RASIP1: variants seen among roughly 807,000 people sequenced by gnomAD.
RASIP1 encodes ras-interacting protein 1.
A neutral mutation model predicts 85.3 loss-of-function variants in RASIP1; 20 were observed. The observed-to-expected ratio is 0.23, with a 90% confidence interval of 0.17 to 0.34. RASIP1 has a LOEUF of 0.34. Ranked by LOEUF, RASIP1 falls within the 10% of genes least tolerant of loss-of-function variation. RASIP1 has a pLI of 1.00. For synonymous variants in RASIP1, 617 were observed against 647.1 expected, an observed-to-expected ratio of 0.95 and a Z score of 0.71; for missense variants, 1,170 against 1,390.9, an observed-to-expected ratio of 0.84 and a Z score of 2.53.
At chr19:48,736,422 A>T (rs1403509413) in intron 3 of RASIP1, among the ~76,000 whole-genome samples, 2 of 152,042 alleles carry the variant, frequency 1.3e-5, no homozygotes, top group Non-Finnish European at 2.9e-5. Context: ...AACAAAACAA[A>T]ACAAGTATTT....
At chr19:48,737,327 C>G (rs2033591186) in intron 3 of RASIP1, 1 of 348,422 alleles carries the variant, frequency 2.9e-6, no homozygotes, top group Non-Finnish European at 4.0e-6. Flanking sequence ...ATTCTATCTC[C>G]CAAAAGGAAG....
chr19:48,738,376 C>CT lies in RASIP1; in HGVS notation c.823+583dup, dbSNP rs2033609029. On this transcript the variant is annotated intron_variant, in intron 3 of 11. Coordinates refer to ENST00000222145, the MANE Select transcript of RASIP1 (RefSeq NM_017805.3). This position sits in a 1 kb window ranked among gnomAD's most constrained non-coding sequence, Gnocchi z 4.0. Reference sequence around the variant, plus strand: ...GGAGAGTACAGTTTAAGCCATTAAGCTGCAGGATGTACACCTAACAGACCT... The same window carrying CT: ...GGAGAGTACAGTTTAAGCCATTAAGCTTGCAGGATGTACACCTAACAGACCT... 1 of 152,268 alleles carries CT rather than the reference C, an allele frequency of 6.6e-6. No individual in the cohort carries two copies. Among genetic ancestry groups the CT allele is most frequent in the Admixed American group, 6.5e-5 (1 of 15,286 alleles). The allele number at this position is 152,268 out of a possible 1,614,324, so 9.4% of individuals were successfully genotyped here.
At chr19:48,727,922 A>G (rs577405520) in intron 5 of RASIP1, among the ~76,000 whole-genome samples, 1 of 152,170 alleles carries the variant, frequency 6.6e-6, no homozygotes, top group East Asian at 1.9e-4. Context: ...TCCCGACTTC[A>G]GGTGATCTGC....
intron 5 of RASIP1, 35 bp from the exon 6 acceptor site, chr19:48,727,465 G>T (rs764019517): frequency 6.2e-7 from 1 of 1,605,350 alleles, no homozygotes; most frequent in Non-Finnish European, 8.5e-7. Context: ...AAGGTGAGGG[G>T]GATCCACTGA....
At chr19:48,737,990 G>T in intron 3 of RASIP1, 4 of 973,500 alleles carry the variant, frequency 4.1e-6, no homozygotes, top group Non-Finnish European at 4.9e-6. Flanking sequence ...TGTCCCCCAG[G>T]CTGGAGTTCA....
rs2033312904 is a variant in RASIP1 at position 48,724,793 on chromosome 19, A to C, written c.2295T>G (p.Pro765=). 6.2e-7 allele frequency: 1 copy of C among 1,614,122 alleles called. No homozygotes were observed. Among genetic ancestry groups the C allele is most frequent in the Non-Finnish European group, 8.5e-7 (1 of 1,180,054 alleles). The change falls in exon 9 of 12, where the codon CCT becomes CCG. Residue 765 remains proline, a synonymous_variant. Coordinates refer to ENST00000222145, the MANE Select transcript of RASIP1 (RefSeq NM_017805.3). This position sits in a 1 kb window ranked among gnomAD's most constrained non-coding sequence, Gnocchi z 4.6. ...AGCCAAAAGTCTGAGACACGAGGTC[A>C]GGGTGCAGCTCGCACTGGCTGGTCA... ...LELTSQCELH[P]DLVSQTFGYL...
In RASIP1 at chr19:48,739,345, C is replaced by A. The variant is rs771918946; in HGVS notation, c.438G>T (p.Gly146=). 7.4e-7 allele frequency: 1 copy of A among 1,352,856 alleles called. No homozygotes were observed. Among genetic ancestry groups the A allele is most frequent in the East Asian group, 3.1e-5 (1 of 32,312 alleles). 83.8% of individuals were successfully genotyped at this position (1,352,856 alleles called of 1,614,324 possible). A position where few individuals can be genotyped will look rare whatever the true frequency, so the allele number is the denominator to read the frequency against. ...GTCCGGCGCCGAAGATCTTGAGGAC[C>A]CCCGGAGGCGCCGTGGCGCGGGTAG... ...PLATRATAPP[G]VLKIFGAGLA... is the part of the protein sequence containing the mutation. The change falls in exon 3 of 12, where the codon GGG becomes GGT. Residue 146 remains glycine, a synonymous_variant. Transcript: ENST00000222145. The surrounding 1 kb of genome is among the most constrained non-coding windows in gnomAD (Gnocchi z 9.2).
chr19:48,727,336 G>A, intron 6 of RASIP1, 57 bp downstream of exon 6: 19 of 1,588,652 alleles, frequency 1.2e-5, no homozygotes, highest in Non-Finnish European at 1.6e-5. Flanking sequence ...CACAGAACTA[G>A]ACGCAAAACC....
In RASIP1 at chr19:48,735,548, G is replaced by T. The variant is rs1481992664; in HGVS notation, c.827C>A (p.Thr276Asn). The part of the protein sequence containing the change: ...EAFGAADSEG[T>N]GAPSWRPQKN... ...CTGTGGCCGCCACGAAGGGGCGCCG[G>T]TGCCTGCGGAGAGATGGAGAACAGT... Residue 276 changes from threonine (T) to asparagine (N), a missense_variant, in exon 4 of 12, where the codon ACC becomes AAC. Around this residue, in one of 4 missense-constraint regions of RASIP1, gnomAD observed 301 missense variants for 294.8 expected, o/e 1.02. Transcript: ENST00000222145. The T allele has an allele frequency of 6.5e-7, 1 of 1,535,030 alleles. No homozygotes were observed. Among genetic ancestry groups the T allele is most frequent in the South Asian group, 1.2e-5 (1 of 83,182 alleles).
rs771150276 is a variant in RASIP1 at position 48,724,790 on chromosome 19, G to A, written c.2298C>T (p.Asp766=). The A allele has an allele frequency of 2.5e-6, 4 of 1,614,236 alleles. No homozygotes were observed. In the East Asian group the frequency reaches 8.9e-5, roughly 36 times the overall value. ...ELTSQCELHP[D]LVSQTFGYLF... is the part of the protein sequence containing the mutation. ...AGTAGCCAAAAGTCTGAGACACGAG[G>A]TCAGGGTGCAGCTCGCACTGGCTGG... The change falls in exon 9 of 12, where the codon GAC becomes GAT. Residue 766 remains aspartate, a synonymous_variant. Coordinates refer to ENST00000222145, the MANE Select transcript of RASIP1 (RefSeq NM_017805.3). This position sits in a 1 kb window ranked among gnomAD's most constrained non-coding sequence, Gnocchi z 4.6.
Position 48,738,814 on chromosome 19 carries a change from G to T in RASIP1, c.823+146C>A. The T allele has an allele frequency of 2.0e-6, 2 of 1,009,298 alleles. No homozygotes were observed. Among genetic ancestry groups the T allele is most frequent in the Non-Finnish European group, 2.5e-6 (2 of 801,634 alleles). 62.5% of individuals were successfully genotyped at this position (1,009,298 alleles called of 1,614,324 possible). A position where few individuals can be genotyped will look rare whatever the true frequency, so the allele number is the denominator to read the frequency against. On this transcript the variant is annotated intron_variant, in intron 3 of 11. Coordinates refer to ENST00000222145, the MANE Select transcript of RASIP1 (RefSeq NM_017805.3). The surrounding 1 kb of genome is among the most constrained non-coding windows in gnomAD (Gnocchi z 4.0). ...TCTAGCTCTGCCTAGAGTCCAACAC[G>T]CACCGTCCAGTCCCCTCCCAGTCCC...
rs1328192634 is a variant in RASIP1 at position 48,729,576 on chromosome 19, A to G, written c.1194T>C (p.Tyr398=). 1.3e-6 allele frequency: 2 copies of G among 1,597,792 alleles called. No individual in the cohort carries two copies. Among genetic ancestry groups the G allele is most frequent in the Non-Finnish European group, 8.5e-7 (1 of 1,172,680 alleles). Residue 398 remains tyrosine, a synonymous_variant, in exon 5 of 12, where the codon TAT becomes TAC. Transcript: ENST00000222145. ...ACACGTGCTGCTCTCGCGTCATCAC[A>G]TACACCACAAAGTCCTGGAGGGGAA... ...GYQDAQDFVV[Y]VMTREQHVFG... is the part of the protein sequence containing the mutation.
At chr19:48,730,311 G>C (rs1030794765) in intron 4 of RASIP1, among the ~76,000 whole-genome samples, 1 of 151,906 alleles carries the variant, frequency 6.6e-6, no homozygotes, top group Non-Finnish European at 1.5e-5. Context: ...GACTACAGGC[G>C]CGCACCATCA....
At chr19:48,731,471 T>A (rs986425444) in intron 4 of RASIP1, among the ~76,000 whole-genome samples, 6 of 152,186 alleles carry the variant, frequency 3.9e-5, no homozygotes, top group Non-Finnish European at 8.8e-5. Context: ...TGGGCTCTTC[T>A]GGTCATTCCA....
chr19:48,737,124 G>T (rs1265111848), intron 3 of RASIP1, among the ~76,000 whole-genome samples: 1 of 152,140 alleles, frequency 6.6e-6, no homozygotes, highest in Non-Finnish European at 1.5e-5. Flanking sequence ...CGAGGGGGTG[G>T]CGGAGACAAT....
At position 48,726,816 on chromosome 19, in the gene RASIP1, G is replaced by A; in HGVS notation, c.2096C>T (p.Thr699Ile). ...GAGGTAGTAGACAGACTGCTGGAAG[G>A]TACACATGATGACCTCATCCAGGAG... ...MALLDEVIMC[T>I]FQQSVYYLTK... The change falls in exon 8 of 12, where the codon ACC becomes ATC. Residue 699 changes from threonine (T) to isoleucine (I), a missense_variant. This residue lies in a region of RASIP1 where 426 missense variants were observed against 576.2 expected (regional missense o/e 0.74). Coordinates refer to ENST00000222145, the MANE Select transcript of RASIP1 (RefSeq NM_017805.3). The A allele has an allele frequency of 6.2e-7, 1 of 1,613,900 alleles. No individual in the cohort carries two copies. Among genetic ancestry groups the A allele is most frequent in the Non-Finnish European group, 8.5e-7 (1 of 1,179,864 alleles).
rs1268455592 is a variant in RASIP1 at position 48,738,811 on chromosome 19, C to A, written c.823+149G>T. 1 of 1,008,230 alleles carries A rather than the reference C, an allele frequency of 9.9e-7. No individual in the cohort carries two copies. The highest frequency in any genetic ancestry group is 1.3e-6 in the Non-Finnish European group (1 of 799,598). The allele number at this position is 1,008,230 out of a possible 1,614,324, so 62.5% of individuals were successfully genotyped here. ...TGCTCTAGCTCTGCCTAGAGTCCAACACGCACCGTCCAGTCCCCTCCCAGT... is the reference window on the plus strand; with the variant it reads ...TGCTCTAGCTCTGCCTAGAGTCCAAAACGCACCGTCCAGTCCCCTCCCAGT... On this transcript the variant is annotated intron_variant, in intron 3 of 11. Coordinates refer to ENST00000222145, the MANE Select transcript of RASIP1 (RefSeq NM_017805.3). The surrounding 1 kb of genome is among the most constrained non-coding windows in gnomAD (Gnocchi z 4.0).
chr19:48,723,052 A>C (rs1192797016), intron 10 of RASIP1, among the ~76,000 whole-genome samples: 2 of 151,934 alleles, frequency 1.3e-5, no homozygotes, highest in African/African-American at 4.8e-5. Flanking sequence ...CACCTGGCTA[A>C]TTTTTAAAAT....
In RASIP1 at chr19:48,739,812, A is replaced by C. The variant is rs2122492479; in HGVS notation, c.138-167T>G. Among the ~76,000 whole-genome samples, 1 of 152,156 alleles carries C rather than the reference A, an allele frequency of 6.6e-6. No individual in the cohort carries two copies. The highest frequency in any genetic ancestry group is 2.1e-4 in the South Asian group (1 of 4,818). ...TGAGGGTGGGGACAGACGCGAGGCA[A>C]AGAGAGAGAGAAAAAATAAATAAAT... On this transcript the variant is annotated intron_variant, in intron 2 of 11. Coordinates refer to ENST00000222145, the MANE Select transcript of RASIP1 (RefSeq NM_017805.3). The surrounding 1 kb of genome is among the most constrained non-coding windows in gnomAD (Gnocchi z 9.2).
Sources: gnomAD v4.1 joint callset for allele counts (sites outside exome capture counted in the v4.1 genomes callset) on GRCh38, gnomAD v4.1.1 for gene constraint, gnomAD v4.1.1 regional missense constraint, Gnocchi (gnomAD v3.1) non-coding constraint, MANE v1.5 for transcripts, NCBI Gene and HGNC (gene_info 2026-07-23, HGNC 2026-07-21) for gene names.